Variants in KCNIP3 observed in about 807,000 individuals in gnomAD.
The protein encoded by KCNIP3 is potassium voltage-gated channel interacting protein 3, also known as calsenilin.
In KCNIP3, 28 loss-of-function variants were observed where a neutral mutation model predicts 35.0. That is an observed-to-expected ratio of 0.80 (90% CI 0.59 to 1.10). The LOEUF is 1.10. KCNIP3 is among the 50% of genes least tolerant of loss of function. The pLI, the probability that KCNIP3 is intolerant of heterozygous loss-of-function variation, is 0.00. For synonymous variants in KCNIP3, 134 were observed against 133.8 expected, an observed-to-expected ratio of 1.00 and a Z score of -0.01; for missense variants, 295 against 338.4, an observed-to-expected ratio of 0.87 and a Z score of 1.01.
intron 2 of KCNIP3, among the ~76,000 whole-genome samples, chr2:95,328,357 C>T (rs1678843563): frequency 6.6e-6 from 1 of 152,252 alleles, no homozygotes; most frequent in Non-Finnish European, 1.5e-5. Flanking sequence ...GCTGCTGCTG[C>T]TCCACACACT....
At chr2:95,369,657 G>T (rs1207060908) in intron 2 of KCNIP3, among the ~76,000 whole-genome samples, 2 of 151,134 alleles carry the variant, frequency 1.3e-5, no homozygotes, top group African/African-American at 4.9e-5. Flanking sequence ...TTGAGCTGGG[G>T]TCTTGCCCTG....
At chr2:95,380,311 C>G (rs1267307021) in intron 5 of KCNIP3, among the ~76,000 whole-genome samples, 1 of 152,004 alleles carries the variant, frequency 6.6e-6, no homozygotes, top group Non-Finnish European at 1.5e-5. Flanking sequence ...ATTTTTTTCT[C>G]CTGGGATAAT....
At chr2:95,383,151 A>T in intron 7 of KCNIP3, 81 bp from the exon 8 acceptor site, 1 of 424,992 alleles carries the variant, frequency 2.4e-6, no homozygotes, top group Non-Finnish European at 4.3e-6. Context: ...CCACCCACCC[A>T]TGACTTCTGC....
intron 2 of KCNIP3, among the ~76,000 whole-genome samples, chr2:95,350,582 G>A (rs1460422781): frequency 1.3e-5 from 2 of 152,152 alleles, no homozygotes; most frequent in Non-Finnish European, 2.9e-5. Flanking sequence ...GATGGGCACC[G>A]AGCAGGGGGC....
At chr2:95,328,634 C>T (rs1262199189) in intron 2 of KCNIP3, among the ~76,000 whole-genome samples, 2 of 152,218 alleles carry the variant, frequency 1.3e-5, no homozygotes, top group East Asian at 1.9e-4. Flanking sequence ...GCCTTCAGGT[C>T]GTCTGTGACT....
intron 2 of KCNIP3, among the ~76,000 whole-genome samples, chr2:95,315,669 G>T (rs1423126558): frequency 6.6e-6 from 1 of 152,214 alleles, no homozygotes; most frequent in African/African-American, 2.4e-5. Context: ...CCTTCCCCTA[G>T]GTGGGCCTCA....
At chr2:95,297,487 GGGGGGTC>G in intron 1 of KCNIP3, 34 bp downstream of exon 1, 2 of 1,326,190 alleles carry the variant, frequency 1.5e-6, no homozygotes, top group Non-Finnish European at 1.1e-6. Context: ...TTGCTCTGGA[GGGGGGTC>G]GGGGGGAGGA....
intron 2 of KCNIP3, among the ~76,000 whole-genome samples, chr2:95,358,818 G>A (rs1339153362): frequency 2.0e-5 from 3 of 152,290 alleles, no homozygotes; most frequent in East Asian, 1.9e-4. Flanking sequence ...CAGAGCCCTC[G>A]TAAACTAAAC....
At chr2:95,344,282 G>GT (rs1382099309) in intron 2 of KCNIP3, among the ~76,000 whole-genome samples, 1 of 149,992 alleles carries the variant, frequency 6.7e-6, no homozygotes, top group African/African-American at 2.5e-5. Flanking sequence ...GGTGGGGGGG[G>GT]GCACATGGGG....
intron 5 of KCNIP3, among the ~76,000 whole-genome samples, chr2:95,380,088 C>A (rs558831736): frequency 2.5e-4 from 38 of 152,298 alleles, no homozygotes; most frequent in African/African-American, 9.1e-4. Context: ...ATCCTCTGTT[C>A]TCCCCTATAT....
intron 2 of KCNIP3, among the ~76,000 whole-genome samples, chr2:95,334,038 G>A (rs762058815): frequency 2.6e-5 from 4 of 152,220 alleles, no homozygotes; most frequent in Non-Finnish European, 5.9e-5. Flanking sequence ...ACACCCTTGG[G>A]CCCTCGGCTC....
At chr2:95,297,755 A>C (rs1302694106) in intron 1 of KCNIP3, among the ~76,000 whole-genome samples, 6 of 152,000 alleles carry the variant, frequency 3.9e-5, no homozygotes, top group Non-Finnish European at 7.4e-5. Flanking sequence ...TGCGGAAGAA[A>C]AGCTGGACAG....
At chr2:95,318,975 G>A (rs1273590208) in intron 2 of KCNIP3, among the ~76,000 whole-genome samples, 23 of 152,210 alleles carry the variant, frequency 1.5e-4, no homozygotes, top group Admixed American at 2.0e-4. Context: ...TGCAGCCGCC[G>A]GCAGGGCTGG....
intron 2 of KCNIP3, among the ~76,000 whole-genome samples, chr2:95,350,142 G>A (rs1573506274): frequency 6.6e-6 from 1 of 152,306 alleles, no homozygotes. Flanking sequence ...AGCCTTGCTG[G>A]TGGAGGGTGT....
intron 2 of KCNIP3, chr2:95,313,692 C>T (rs543543165): frequency 1.3e-5 from 2 of 152,114 alleles, no homozygotes; most frequent in Non-Finnish European, 2.9e-5. Context: ...AATAATGTCA[C>T]CCACAAATAA....
chr2:95,356,239 T>C (rs1393926748), intron 2 of KCNIP3, among the ~76,000 whole-genome samples: 1 of 152,242 alleles, frequency 6.6e-6, no homozygotes, highest in East Asian at 1.9e-4. Context: ...TTGTAGATTC[T>C]GGATATCAGC....
At chr2:95,379,046 A>G (rs2104305248) in intron 5 of KCNIP3, among the ~76,000 whole-genome samples, 1 of 152,042 alleles carries the variant, frequency 6.6e-6, no homozygotes, top group African/African-American at 2.4e-5. Flanking sequence ...TGTCCCCCAG[A>G]AGCTTGCTTC....
intron 2 of KCNIP3, chr2:95,355,224 C>G (rs1276768287): frequency 6.6e-6 from 1 of 152,178 alleles, no homozygotes; most frequent in Non-Finnish European, 1.5e-5. Context: ...GGCAGCTGCC[C>G]TGGTCCAAGT....
At chr2:95,338,480 T>G (rs1423176282) in intron 2 of KCNIP3, among the ~76,000 whole-genome samples, 2 of 152,086 alleles carry the variant, frequency 1.3e-5, no homozygotes, top group African/African-American at 2.4e-5. Context: ...AACAAGAGTA[T>G]GCTAGCTGAG....
Sources: allele counts gnomAD v4.1 joint callset (sites outside exome capture counted in the v4.1 genomes callset), GRCh38; gene constraint gnomAD v4.1.1; transcripts MANE v1.5; gene names NCBI Gene and HGNC (gene_info 2026-07-23, HGNC 2026-07-21).